CPSF3: variants seen among roughly 807,000 people sequenced by gnomAD.
CPSF3 encodes cleavage and polyadenylation specificity factor subunit 3.
CPSF3 carries 57 observed loss-of-function variants against 84.1 expected under a neutral mutation model. That is an observed-to-expected ratio of 0.68 (90% CI 0.55 to 0.85). The LOEUF (loss-of-function observed/expected upper bound fraction) is 0.85, where lower values mean the gene tolerates loss of function less well. Among genes scored for constraint, CPSF3 ranks in the 40% least tolerant of loss-of-function variants. The pLI, the probability that CPSF3 is intolerant of heterozygous loss-of-function variation, is 0.00. For synonymous variants in CPSF3, 275 were observed against 278.1 expected (o/e 0.99, Z 0.11); for missense variants, 522 against 838.8 (o/e 0.62, Z 4.66).
intron 11 of CPSF3, among the ~76,000 whole-genome samples, chr2:9,449,607 T>G (rs553795583): frequency 1.3e-5 from 2 of 152,108 alleles, no homozygotes; most frequent in Admixed American, 6.5e-5. Flanking sequence ...CTGGGTGCAG[T>G]GGCATGCTCC....
Position 9,428,994 on chromosome 2 carries a change from A to G in CPSF3, c.114+166A>G, listed in dbSNP as rs72775268. On this transcript the variant is annotated intron_variant, in intron 2 of 17. Transcript: ENST00000238112. Reference sequence around the variant, plus strand: ...GAAAAACTAATACACACTTCTACTTAGTAATTTAGTTGATTAAGAAGATAT... The same window carrying G: ...GAAAAACTAATACACACTTCTACTTGGTAATTTAGTTGATTAAGAAGATAT... Among the ~76,000 whole-genome samples the G allele has an allele frequency of 0.15, 23,431 of 152,264 alleles. 2,065 individuals are homozygous for G. Among genetic ancestry groups the G allele is most frequent in the Middle Eastern group, 0.27 (80 of 292 alleles).
At position 9,459,517 on chromosome 2, in the gene CPSF3, CT is replaced by C; in HGVS notation, c.1699-10del. On this transcript the variant is annotated splice_polypyrimidine_tract_variant and intron_variant, in intron 14 of 17. Coordinates refer to ENST00000238112, the MANE Select transcript of CPSF3 (RefSeq NM_016207.4). ...TAGGTAGGTCACTTCCTAATTCTGCCTTTTGCTTTCCAGTGGCTGGCAAACC... is the reference window on the plus strand; with the variant it reads ...TAGGTAGGTCACTTCCTAATTCTGCCTTTGCTTTCCAGTGGCTGGCAAACC... 1 of 1,600,882 alleles carries C rather than the reference CT, an allele frequency of 6.2e-7. No homozygotes were observed. Among genetic ancestry groups the C allele is most frequent in the Non-Finnish European group, 8.6e-7 (1 of 1,168,286 alleles).
chr2:9,462,283 A>G (rs1340734140), intron 15 of CPSF3, among the ~76,000 whole-genome samples: 1 of 152,198 alleles, frequency 6.6e-6, no homozygotes, highest in East Asian at 1.9e-4. Flanking sequence ...CTTTCTCTTC[A>G]CTATATTTCT....
chr2:9,450,929 C>T (rs1681309043), intron 11 of CPSF3, among the ~76,000 whole-genome samples: 2 of 152,044 alleles, frequency 1.3e-5, no homozygotes, highest in Admixed American at 6.5e-5. Context: ...TGTAAATAGT[C>T]GTAGTTACTC....
At chr2:9,462,405 C>T (rs1026500435) in intron 15 of CPSF3, among the ~76,000 whole-genome samples, 8 of 151,980 alleles carry the variant, frequency 5.3e-5, no homozygotes, top group African/African-American at 1.2e-4. Context: ...TTTTTTAGGC[C>T]GGTTAGGATG....
intron 15 of CPSF3, among the ~76,000 whole-genome samples, chr2:9,465,639 T>G (rs1269865179): frequency 6.6e-6 from 1 of 152,136 alleles, no homozygotes; most frequent in African/African-American, 2.4e-5. Flanking sequence ...TCAAACTGAC[T>G]TCTTCCCATC....
chr2:9,450,019 T>TG (rs1226437305), intron 11 of CPSF3, among the ~76,000 whole-genome samples: 1 of 152,098 alleles, frequency 6.6e-6, no homozygotes, highest in African/African-American at 2.4e-5. Context: ...TGTTTTGAGA[T>TG]GGGGTCACAC....
In CPSF3 at chr2:9,433,969, T is replaced by C. The variant is rs59642267; in HGVS notation, c.609+9T>C. ...CTGATATTCTTATCATTGTAAGTAT[T>C]AATATACTATATTGTAATCAATGTA... On this transcript the variant is annotated intron_variant, in intron 6 of 17. Transcript: ENST00000238112. The C allele has an allele frequency of 1.5e-3, 2,197 of 1,423,652 alleles. 18 individuals carry two copies. In the African/African-American group the frequency reaches 0.028, roughly 18 times the overall value. The allele number at this position is 1,423,652 out of a possible 1,614,324, so 88.2% of individuals were successfully genotyped here.
chr2:9,450,109 C>T (rs1017355256), intron 11 of CPSF3, among the ~76,000 whole-genome samples: 2 of 151,454 alleles, frequency 1.3e-5, no homozygotes, highest in African/African-American at 4.9e-5. Flanking sequence ...CTGATCCTCC[C>T]CTCTCAGCCT....
At chr2:9,437,731 C>T (rs778324572) in intron 7 of CPSF3, among the ~76,000 whole-genome samples, 1 of 152,178 alleles carries the variant, frequency 6.6e-6, no homozygotes, top group Non-Finnish European at 1.5e-5. Flanking sequence ...TAGTGGCTCA[C>T]GACTGTAATC....
rs75824417 is a variant in CPSF3, at chr2:9,471,611, C to T, written c.1953+172C>T. Among the ~76,000 whole-genome samples the T allele has an allele frequency of 5.1e-3, 774 of 151,994 alleles. 7 individuals carry two copies. The highest frequency in any genetic ancestry group is 0.017 in the African/African-American group (720 of 41,444). Reference sequence around the variant, plus strand: ...TTATATTATTATGGTTGAAGTTTTCCGTGTTTTTCCGGGTTACTGCATAGT... The same window carrying T: ...TTATATTATTATGGTTGAAGTTTTCTGTGTTTTTCCGGGTTACTGCATAGT... On this transcript the variant is annotated intron_variant, in intron 17 of 17. Coordinates refer to ENST00000238112, the MANE Select transcript of CPSF3 (RefSeq NM_016207.4).
chr2:9,459,891 G>C (rs1431661125), intron 15 of CPSF3, among the ~76,000 whole-genome samples: 1 of 151,548 alleles, frequency 6.6e-6, no homozygotes, highest in South Asian at 2.1e-4. Context: ...CTCGTGATCC[G>C]CCCGCCTCAG....
chr2:9,465,426 A>G (rs1294398406), intron 15 of CPSF3, among the ~76,000 whole-genome samples: 1 of 152,118 alleles, frequency 6.6e-6, no homozygotes, highest in Non-Finnish European at 1.5e-5. Flanking sequence ...CCTGGGCAAC[A>G]GAGCGAGACA....
chr2:9,429,123 C>T (rs1360181011), intron 2 of CPSF3, among the ~76,000 whole-genome samples: 1 of 152,232 alleles, frequency 6.6e-6, no homozygotes, highest in Non-Finnish European at 1.5e-5. Context: ...GCCCCACCCC[C>T]AGTGGAAGAT....
chr2:9,459,675 A>G (rs1166424607), intron 15 of CPSF3, 57 bp downstream of exon 15: 24 of 667,472 alleles, frequency 3.6e-5, no homozygotes, highest in Non-Finnish European at 4.9e-5. Flanking sequence ...TTGGAGACGG[A>G]TACTAGCTCT....
intron 4 of CPSF3, among the ~76,000 whole-genome samples, chr2:9,431,386 A>G (rs915761649): frequency 1.3e-5 from 2 of 151,980 alleles, no homozygotes; most frequent in African/African-American, 4.8e-5. Flanking sequence ...GTGTCCTTTT[A>G]AAACTTCATT....
At chr2:9,434,970 G>C (rs1418311352) in intron 6 of CPSF3, among the ~76,000 whole-genome samples, 1 of 152,222 alleles carries the variant, frequency 6.6e-6, no homozygotes, top group Admixed American at 6.5e-5. Context: ...GATTAGATTG[G>C]ACTCTGCTCA....
intron 7 of CPSF3, 71 bp from the exon 8 acceptor site, chr2:9,440,420 G>A (rs1424948249): frequency 5.6e-6 from 7 of 1,243,078 alleles, no homozygotes; most frequent in South Asian, 5.6e-5. Context: ...TGTTCTGTGT[G>A]TATCATTTGT....
intron 10 of CPSF3, 123 bp from the exon 11 acceptor site, chr2:9,448,075 A>T (rs1681186503): frequency 5.7e-6 from 3 of 530,858 alleles, no homozygotes; most frequent in Admixed American, 7.8e-5. Context: ...GTAAAGTTTC[A>T]TAACTTCCAA....
Sources: gnomAD v4.1 joint callset for allele counts (sites outside exome capture counted in the v4.1 genomes callset) on GRCh38, gnomAD v4.1.1 for gene constraint, MANE v1.5 for transcripts, NCBI Gene and HGNC (gene_info 2026-07-23, HGNC 2026-07-21) for gene names.